The following ZNF804A variants were observed in gnomAD, a reference collection of about 807,000 sequenced individuals.
ZNF804A encodes the protein zinc finger protein 804A.
ZNF804A carries 2 observed loss-of-function variants against 16.5 expected under a neutral mutation model. The ratio of observed to expected loss-of-function variants is 0.12; its 90% CI spans 0.05 to 0.38. ZNF804A has a LOEUF of 0.38. Ranked by LOEUF, ZNF804A falls within the 10% of genes least tolerant of loss-of-function variation. The probability of loss-of-function intolerance (pLI) is 0.99; values close to 1 mark genes in which losing one functional copy is unlikely to be tolerated. For missense variants in ZNF804A, 1,473 were observed against 1,390.7 expected (o/e 1.06, Z -0.94); for synonymous variants, 534 against 489.6 (o/e 1.09, Z -1.20).
chr2:184,907,561 T>G (rs925238351), intron 2 of ZNF804A, among the ~76,000 whole-genome samples: 6 of 152,114 alleles, frequency 3.9e-5, no homozygotes, highest in Non-Finnish European at 8.8e-5. Context: ...CCTTTAATAG[T>G]GTTGTATACC....
chr2:184,664,693 C>G (rs1053085446), intron 1 of ZNF804A, among the ~76,000 whole-genome samples: 1 of 152,144 alleles, frequency 6.6e-6, no homozygotes, highest in African/African-American at 2.4e-5. Flanking sequence ...GATACTGTCA[C>G]TAGTGTCAGT....
chr2:184,907,263 TCC>T (rs906051331), intron 2 of ZNF804A, among the ~76,000 whole-genome samples: 3 of 151,422 alleles, frequency 2.0e-5, no homozygotes, highest in African/African-American at 7.2e-5. Flanking sequence ...TCTCTCACCA[TCC>T]TGTATTTGTT....
intron 1 of ZNF804A, among the ~76,000 whole-genome samples, chr2:184,791,031 T>A (rs4275993): frequency 0.05 from 7,652 of 152,308 alleles, 253 homozygotes; most frequent in Middle Eastern, 0.079. Flanking sequence ...ATGATATATC[T>A]TTCTCTACCC....
At chr2:184,799,735 G>A (rs905961154) in intron 1 of ZNF804A, among the ~76,000 whole-genome samples, 1 of 151,850 alleles carries the variant, frequency 6.6e-6, no homozygotes, top group East Asian at 1.9e-4. Context: ...TAGAGATAAG[G>A]TTTTGCCATG....
chr2:184,606,523 G>A (rs940815088), intron 1 of ZNF804A, among the ~76,000 whole-genome samples: 3 of 152,102 alleles, frequency 2.0e-5, no homozygotes, highest in South Asian at 2.1e-4. Context: ...ATCATATCAC[G>A]TAGCCAGTTA....
intron 2 of ZNF804A, among the ~76,000 whole-genome samples, chr2:184,878,681 C>G (rs914185971): frequency 1.3e-5 from 2 of 151,802 alleles, no homozygotes; most frequent in Middle Eastern, 3.2e-3. Flanking sequence ...TGGAGGATGG[C>G]TCAGGTAAAC....
chr2:184,904,917 GA>G (rs1165441120), intron 2 of ZNF804A, among the ~76,000 whole-genome samples: 1 of 152,034 alleles, frequency 6.6e-6, no homozygotes, highest in African/African-American at 2.4e-5. Context: ...CCATTTATAT[GA>G]AAGATAGAAA....
Position 184,803,955 on chromosome 2 carries a change from C to T in ZNF804A, c.112-62414C>T, listed in dbSNP as rs577529016. On this transcript the variant is annotated intron_variant, in intron 1 of 3. Transcript: ENST00000302277. ...TCGGCTCACTGCAACCTCCGCCTCC[C>T]GGGTTCAAGTGATTCCCCTGCCTCA... is the stretch of plus-strand genomic sequence containing the variant. Among the ~76,000 whole-genome samples, 79 of 152,148 alleles carry T rather than the reference C, an allele frequency of 5.2e-4. No homozygotes were observed. In the Middle Eastern group the frequency reaches 0.014, roughly 26 times the overall value.
chr2:184,814,002 T>C (rs1000611111), intron 1 of ZNF804A, among the ~76,000 whole-genome samples: 1 of 129,362 alleles, frequency 7.7e-6, no homozygotes, highest in Non-Finnish European at 1.6e-5. Context: ...GCTTTTTTTT[T>C]TTTTTTTTTT....
At chr2:184,773,942 T>G (rs902256344) in intron 1 of ZNF804A, among the ~76,000 whole-genome samples, 4 of 151,908 alleles carry the variant, frequency 2.6e-5, no homozygotes, top group Non-Finnish European at 4.4e-5. Context: ...ATGGTAGAAT[T>G]TAGGGCACTA....
chr2:184,700,895 A>G (rs1206930904), intron 1 of ZNF804A, among the ~76,000 whole-genome samples: 2 of 151,962 alleles, frequency 1.3e-5, no homozygotes, highest in East Asian at 3.9e-4. Flanking sequence ...ATATGTATTC[A>G]TTGTATAGTG....
At chr2:184,713,141 C>A (rs1228051624) in intron 1 of ZNF804A, among the ~76,000 whole-genome samples, 1 of 151,672 alleles carries the variant, frequency 6.6e-6, no homozygotes, top group Non-Finnish European at 1.5e-5. Flanking sequence ...CTCTCCCAGT[C>A]TTTACAGACT....
chr2:184,646,357 T>A (rs1436756025), intron 1 of ZNF804A, among the ~76,000 whole-genome samples: 2 of 152,220 alleles, frequency 1.3e-5, no homozygotes, highest in East Asian at 1.9e-4. Flanking sequence ...CTTGGTGAAC[T>A]GGAACTGGTT....
chr2:184,731,408 T>C (rs1024945577), intron 1 of ZNF804A, among the ~76,000 whole-genome samples: 1 of 151,928 alleles, frequency 6.6e-6, no homozygotes, highest in Non-Finnish European at 1.5e-5. Flanking sequence ...GTTGTCAGTG[T>C]TCTGGATTTT....
intron 2 of ZNF804A, among the ~76,000 whole-genome samples, chr2:184,894,483 A>T (rs1685035707): frequency 6.6e-6 from 1 of 151,712 alleles, no homozygotes; most frequent in South Asian, 2.1e-4. Flanking sequence ...TTGCCCTTTT[A>T]ATTCTGTTGG....
intron 1 of ZNF804A, among the ~76,000 whole-genome samples, chr2:184,669,309 A>G (rs1692304816): frequency 6.6e-6 from 1 of 152,056 alleles, no homozygotes. Flanking sequence ...CATACAAGTG[A>G]GATTCTTATA....
At chr2:184,761,599 T>C (rs1033901655) in intron 1 of ZNF804A, among the ~76,000 whole-genome samples, 5 of 152,122 alleles carry the variant, frequency 3.3e-5, no homozygotes, top group African/African-American at 9.7e-5. Context: ...CTGAATTCTT[T>C]GTGTGCCAGT....
intron 1 of ZNF804A, among the ~76,000 whole-genome samples, chr2:184,699,932 C>A (rs780030933): frequency 6.6e-6 from 1 of 151,962 alleles, no homozygotes; most frequent in African/African-American, 2.4e-5. Context: ...TCAAACAATA[C>A]GCCACTAGAG....
chr2:184,932,463 C>T (rs1685717250), intron 2 of ZNF804A, among the ~76,000 whole-genome samples: 1 of 152,084 alleles, frequency 6.6e-6, no homozygotes, highest in African/African-American at 2.4e-5. Flanking sequence ...CTTTATAAAA[C>T]CATCAGATCT....
Sources: gnomAD v4.1 joint callset for allele counts (sites outside exome capture counted in the v4.1 genomes callset) on GRCh38, gnomAD v4.1.1 for gene constraint, MANE v1.5 for transcripts, NCBI Gene and HGNC (gene_info 2026-07-23, HGNC 2026-07-21) for gene names.